COX10: variants seen among roughly 807,000 people sequenced by gnomAD.
COX10 encodes protoheme IX farnesyltransferase, mitochondrial.
A neutral mutation model predicts 37.3 loss-of-function variants in COX10; 27 were observed. The observed-to-expected ratio is 0.72, with a 90% CI of 0.53 to 1.00. The LOEUF (loss-of-function observed/expected upper bound fraction) is 1.00, where lower values mean the gene tolerates loss of function less well. COX10 is among the 50% of genes least tolerant of loss of function. The probability of loss-of-function intolerance (pLI) is 0.00; values close to 1 mark genes in which losing one functional copy is unlikely to be tolerated. For missense variants in COX10, 475 were observed against 563.2 expected (o/e 0.84, Z 1.59); for synonymous variants, 222 against 229.1 (o/e 0.97, Z 0.28).
chr17:14,131,563 G>C (rs1916467625), intron 4 of COX10, among the ~76,000 whole-genome samples: 1 of 151,828 alleles, frequency 6.6e-6, no homozygotes, highest in African/African-American at 2.4e-5. Flanking sequence ...TGACTGGATG[G>C]TCACATTATG....
At chr17:14,184,876 G>C (rs886195771) in intron 5 of COX10, among the ~76,000 whole-genome samples, 2 of 150,424 alleles carry the variant, frequency 1.3e-5, no homozygotes, top group Admixed American at 1.3e-4. Flanking sequence ...ATCTCAGAGA[G>C]CTTCCAGACC....
chr17:14,076,078 A>G (rs933065071), intron 2 of COX10, among the ~76,000 whole-genome samples: 1 of 149,408 alleles, frequency 6.7e-6, no homozygotes, highest in Non-Finnish European at 1.5e-5. Context: ...GAGAACATGG[A>G]AAGTCAACAG....
Position 14,076,960 on chromosome 17 carries a change from A to G in COX10, c.403A>G (p.Lys135Glu), listed in dbSNP as rs1449961713. 7 of 1,614,212 alleles carry G rather than the reference A, an allele frequency of 4.3e-6. No individual in the cohort carries two copies. The highest frequency in any genetic ancestry group is 5.9e-6 in the Non-Finnish European group (7 of 1,180,032). Residue 135 changes from lysine (K) to glutamate (E), a missense_variant, in exon 3 of 7, where the codon AAA becomes GAA. This residue lies in a region of COX10 where 242 missense variants were observed against 242.5 expected (regional missense o/e 1.00). Transcript: ENST00000261643. The stretch of plus-strand genomic sequence containing the variant: ...AATTGAAGACTCAATAGATGTAGGG[A>G]AAGAGACAAAAGAGGAAAAGCGGTG... ...SVIEDSIDVGKETKEEKRWKE... is the reference protein window; with the variant it reads ...SVIEDSIDVGEETKEEKRWKE...
intron 4 of COX10, among the ~76,000 whole-genome samples, chr17:14,154,008 A>C (rs1023576727): frequency 6.6e-6 from 1 of 152,216 alleles, no homozygotes; most frequent in Admixed American, 6.5e-5. Context: ...TATTATTCGG[A>C]GTGTAAAAAA....
At chr17:14,153,974 T>C (rs1567603208) in intron 4 of COX10, among the ~76,000 whole-genome samples, 1 of 152,182 alleles carries the variant, frequency 6.6e-6, no homozygotes, top group Non-Finnish European at 1.5e-5. Flanking sequence ...TGAAACCCTC[T>C]GCAAGATGAT....
intron 4 of COX10, among the ~76,000 whole-genome samples, chr17:14,148,163 AGAG>A (rs1242143668): frequency 6.7e-6 from 1 of 148,684 alleles, no homozygotes; most frequent in African/African-American, 2.6e-5. Context: ...TAATCTGTTT[AGAG>A]GAGAACATTG....
At position 14,159,888 on chromosome 17, in the gene COX10, G is replaced by A. The variant is rs1288922385; in HGVS notation, c.636G>A (p.Val212=). Reference sequence around the variant, plus strand: ...CATTCTTTTTACAGTTTTTTGAGGTGCCATTTGACTCAAACATGAATAGGA... The same window carrying A: ...CATTCTTTTTACAGTTTTTTGAGGTACCATTTGACTCAAACATGAATAGGA... The part of the protein sequence containing the change: ...AANSINQFFE[V]PFDSNMNRTK... Residue 212 remains valine (V), a synonymous_variant, in exon 5 of 7, where the codon GTG becomes GTA. Transcript: ENST00000261643. 2 of 1,611,262 alleles carry A rather than the reference G, an allele frequency of 1.2e-6. No homozygotes were observed. The highest frequency in any genetic ancestry group is 1.3e-5 in the African/African-American group (1 of 74,824).
At chr17:14,088,337 T>G (rs1229755342) in intron 3 of COX10, among the ~76,000 whole-genome samples, 1 of 152,194 alleles carries the variant, frequency 6.6e-6, no homozygotes, top group Non-Finnish European at 1.5e-5. Flanking sequence ...AATTTATTGC[T>G]TCTGCAGATT....
At chr17:14,140,614 T>G (rs1215129974) in intron 4 of COX10, among the ~76,000 whole-genome samples, 1 of 152,148 alleles carries the variant, frequency 6.6e-6, no homozygotes, top group Non-Finnish European at 1.5e-5. Context: ...CATTCATAAA[T>G]GATATTGAAA....
chr17:14,153,942 G>A (rs1904972645), intron 4 of COX10, among the ~76,000 whole-genome samples: 1 of 152,108 alleles, frequency 6.6e-6, no homozygotes, highest in Admixed American at 6.5e-5. Flanking sequence ...ATATTACTCA[G>A]CGATAAAAAG....
intron 5 of COX10, among the ~76,000 whole-genome samples, chr17:14,164,593 C>T (rs1224686836): frequency 6.6e-6 from 1 of 151,964 alleles, no homozygotes; most frequent in Non-Finnish European, 1.5e-5. Context: ...TTTGATTTTT[C>T]CAGATTTCAT....
rs144352489 is a variant in COX10 at position 14,102,078 on chromosome 17, C to T, written c.500-40C>T. ...GTTCTGGCCTTTACAGTTGGGACTCCTGTTGGTAACAGTGTGTCTGCTCTG... is the reference window on the plus strand; with the variant it reads ...GTTCTGGCCTTTACAGTTGGGACTCTTGTTGGTAACAGTGTGTCTGCTCTG... On this transcript the variant is annotated intron_variant, in intron 3 of 6. Transcript: ENST00000261643. The T allele has an allele frequency of 8.6e-3, 13,890 of 1,613,144 alleles. 166 individuals carry two copies. The highest frequency in any genetic ancestry group is 0.035 in the Admixed American group (2,120 of 59,956).
At chr17:14,081,792 T>C (rs1915300328) in intron 3 of COX10, among the ~76,000 whole-genome samples, 1 of 152,162 alleles carries the variant, frequency 6.6e-6, no homozygotes, top group African/African-American at 2.4e-5. Flanking sequence ...ATTTAATACC[T>C]GGCTGCCCCC....
At chr17:14,204,211 T>C (rs1906628885) in intron 6 of COX10, among the ~76,000 whole-genome samples, 1 of 152,136 alleles carries the variant, frequency 6.6e-6, no homozygotes, top group Non-Finnish European at 1.5e-5. Context: ...AATGTCTGCC[T>C]GGACCCTGTG....
At chr17:14,205,597 G>A (rs1341825219) in intron 6 of COX10, among the ~76,000 whole-genome samples, 1 of 151,828 alleles carries the variant, frequency 6.6e-6, no homozygotes, top group East Asian at 2.0e-4. Context: ...TTTTTTGCGC[G>A]AGTACTCAGT....
intron 4 of COX10, among the ~76,000 whole-genome samples, chr17:14,119,246 C>T (rs1331704474): frequency 1.3e-5 from 2 of 152,124 alleles, no homozygotes; most frequent in Non-Finnish European, 1.5e-5. Context: ...CGTATATCTC[C>T]TACCTAATGT....
intron 4 of COX10, among the ~76,000 whole-genome samples, chr17:14,121,044 G>C (rs529360911): frequency 1.3e-5 from 2 of 152,138 alleles, no homozygotes; most frequent in African/African-American, 4.8e-5. Flanking sequence ...CATTCTGCCT[G>C]TGACTAATTG....
chr17:14,112,482 ATTACTT>A (rs1359818941), intron 4 of COX10, among the ~76,000 whole-genome samples: 1 of 152,152 alleles, frequency 6.6e-6, no homozygotes, highest in Non-Finnish European at 1.5e-5. Flanking sequence ...ATATGTATTG[ATTACTT>A]TTGCTGGAGA....
intron 4 of COX10, among the ~76,000 whole-genome samples, chr17:14,155,714 CAA>C (rs766447620): frequency 1.7e-5 from 2 of 118,638 alleles, no homozygotes. Context: ...GACTCCATCT[CAA>C]AAAAAAAAAG....
Sources: allele counts gnomAD v4.1 joint callset (sites outside exome capture counted in the v4.1 genomes callset), GRCh38; gene constraint gnomAD v4.1.1; regional missense constraint gnomAD v4.1.1; transcripts MANE v1.5; gene names NCBI Gene and HGNC (gene_info 2026-07-23, HGNC 2026-07-21).